DOCK1: variants seen among roughly 807,000 people sequenced by gnomAD.
DOCK1 encodes dedicator of cytokinesis protein 1.
Under a neutral mutation model 262.7 loss-of-function variants are expected in DOCK1, and 138 were observed. The ratio of observed to expected loss-of-function variants is 0.53; its 90% CI spans 0.46 to 0.61. The LOEUF (loss-of-function observed/expected upper bound fraction) is 0.61. Among genes scored for constraint, DOCK1 ranks in the 20% least tolerant of loss-of-function variants. DOCK1 has a pLI of 0.00. For synonymous variants in DOCK1, 866 were observed against 867.4 expected (o/e 1.00, Z 0.03); for missense variants, 1,908 against 2,370.7 (o/e 0.80, Z 4.05).
At chr10:127,435,005 C>T (rs1052099955) in intron 48 of DOCK1, among the ~76,000 whole-genome samples, 8 of 152,154 alleles carry the variant, frequency 5.3e-5, no homozygotes, top group African/African-American at 1.9e-4. Context: ...TCATGGGCCA[C>T]CTTCTTTGTA....
At chr10:127,303,249 G>A (rs1308199652) in intron 29 of DOCK1, among the ~76,000 whole-genome samples, 1 of 152,176 alleles carries the variant, frequency 6.6e-6, no homozygotes, top group Non-Finnish European at 1.5e-5. Flanking sequence ...AGGATAGGAG[G>A]TGTCTTGCTA....
chr10:127,391,992 G>A (rs1238788781), intron 38 of DOCK1, among the ~76,000 whole-genome samples: 10 of 151,912 alleles, frequency 6.6e-5, no homozygotes, highest in Admixed American at 2.6e-4. Context: ...CTTAGAGTAG[G>A]AATCGAGCCT....
chr10:127,250,542 G>A lies in DOCK1; in HGVS notation c.2949+2433G>A, dbSNP rs191652794. Reference sequence around the variant, plus strand: ...GTGGTGGCTCACGCCTGTAATCCCAGCACTTTGGGAGGTGGAGGCAGGTGG... The same window carrying A: ...GTGGTGGCTCACGCCTGTAATCCCAACACTTTGGGAGGTGGAGGCAGGTGG... On this transcript the variant is annotated intron_variant, in intron 28 of 51. Coordinates refer to ENST00000623213, the MANE Select transcript of DOCK1 (RefSeq NM_001290223.2). 4.2e-4 allele frequency among the ~76,000 whole-genome samples: 64 copies of A among 152,210 alleles called. 1 individual carries two copies. The East Asian group carries it at 0.01, about 24-fold the overall frequency.
chr10:126,990,271 T>C (rs146564001), intron 5 of DOCK1, among the ~76,000 whole-genome samples, 184 bp from the exon 6 acceptor site: 28 of 152,332 alleles, frequency 1.8e-4, no homozygotes, highest in African/African-American at 6.0e-4. Flanking sequence ...TAATGTCGCA[T>C]GGAAACCAAA....
chr10:126,975,994 CTT>C (rs2038511574), intron 2 of DOCK1, among the ~76,000 whole-genome samples: 1 of 152,122 alleles, frequency 6.6e-6, no homozygotes, highest in East Asian at 1.9e-4. Context: ...AGACGTTAAT[CTT>C]TGTCAGTTTC....
intron 15 of DOCK1, chr10:127,026,073 G>GAAAAAAAA (rs373279876): frequency 9.1e-6 from 2 of 220,760 alleles, no homozygotes; most frequent in Non-Finnish European, 1.6e-5. Flanking sequence ...AAAAAAAAAA[G>GAAAAAAAA]AAAGAAAAAA....
At chr10:127,026,024 A>G in intron 15 of DOCK1, 1 of 284,098 alleles carries the variant, frequency 3.5e-6, no homozygotes, top group South Asian at 3.1e-5. Flanking sequence ...CCATTGCACC[A>G]CTCTAGCCTG....
At chr10:126,921,776 C>G (rs1362286638) in intron 1 of DOCK1, among the ~76,000 whole-genome samples, 1 of 152,106 alleles carries the variant, frequency 6.6e-6, no homozygotes, top group Non-Finnish European at 1.5e-5. Flanking sequence ...CCTCAGCCTC[C>G]CGAGTAGCTG....
At chr10:127,044,088 A>G (rs1425682447) in intron 21 of DOCK1, among the ~76,000 whole-genome samples, 3 of 152,212 alleles carry the variant, frequency 2.0e-5, no homozygotes, top group Admixed American at 1.3e-4. Context: ...AAAGATTTAC[A>G]TAATTTCTTT....
intron 27 of DOCK1, among the ~76,000 whole-genome samples, chr10:127,230,646 A>G (rs1035095061): frequency 2.6e-5 from 4 of 152,090 alleles, no homozygotes; most frequent in Non-Finnish European, 4.4e-5. Flanking sequence ...GGCCAGCACT[A>G]TATTGTTTTG....
chr10:127,050,696 CTCTG>C (rs2044665181), intron 21 of DOCK1, among the ~76,000 whole-genome samples: 2 of 147,190 alleles, frequency 1.4e-5, no homozygotes, highest in Admixed American at 1.4e-4. Flanking sequence ...CAGAGCAAGA[CTCTG>C]TCTGAAAAAA....
chr10:127,215,966 G>T (rs377102541), intron 27 of DOCK1, among the ~76,000 whole-genome samples: 1 of 152,134 alleles, frequency 6.6e-6, no homozygotes, highest in African/African-American at 2.4e-5. Context: ...CTGAATATTC[G>T]TTTGTGTTTG....
At chr10:127,026,777 A>T (rs1010990079) in intron 16 of DOCK1, among the ~76,000 whole-genome samples, 4 of 152,206 alleles carry the variant, frequency 2.6e-5, no homozygotes, top group Admixed American at 2.0e-4. Context: ...CTGTCTTAGA[A>T]TTGGAAATCT....
At chr10:127,216,477 T>A (rs545425146) in intron 27 of DOCK1, among the ~76,000 whole-genome samples, 1 of 152,288 alleles carries the variant, frequency 6.6e-6, no homozygotes, top group Non-Finnish European at 1.5e-5. Context: ...CTTTCTGAGC[T>A]AGCTTGTCCT....
chr10:126,960,665 C>T (rs983561869), intron 1 of DOCK1, among the ~76,000 whole-genome samples: 6 of 150,094 alleles, frequency 4.0e-5, no homozygotes, highest in Non-Finnish European at 8.9e-5. Flanking sequence ...AAAGCCTCTT[C>T]TGGGATGATT....
chr10:127,280,675 G>C (rs1436363463), intron 29 of DOCK1, among the ~76,000 whole-genome samples: 1 of 152,206 alleles, frequency 6.6e-6, no homozygotes, highest in Non-Finnish European at 1.5e-5. Context: ...GGCAAGCTAC[G>C]TGCAGGTAAG....
intron 27 of DOCK1, among the ~76,000 whole-genome samples, chr10:127,244,016 G>T (rs1332651311): frequency 6.6e-6 from 1 of 151,912 alleles, no homozygotes; most frequent in South Asian, 2.1e-4. Flanking sequence ...ATTTTCTCAT[G>T]CTATTAAAAT....
chr10:127,236,250 G>A (rs921001905), intron 27 of DOCK1, among the ~76,000 whole-genome samples: 13 of 151,828 alleles, frequency 8.6e-5, no homozygotes, highest in Non-Finnish European at 1.9e-4. Flanking sequence ...TTTAAGTTTT[G>A]CATTTAAATC....
intron 26 of DOCK1, among the ~76,000 whole-genome samples, chr10:127,126,189 G>A (rs534204544): frequency 7.2e-5 from 11 of 151,954 alleles, no homozygotes; most frequent in Admixed American, 6.5e-4. Context: ...CTGCCTCCCG[G>A]GTTCAAGTGA....
Sources: allele counts gnomAD v4.1 joint callset (sites outside exome capture counted in the v4.1 genomes callset), GRCh38; gene constraint gnomAD v4.1.1; transcripts MANE v1.5; gene names NCBI Gene and HGNC (gene_info 2026-07-23, HGNC 2026-07-21).